The following NAALAD2 variants were observed in gnomAD, a reference collection of about 807,000 sequenced individuals.
The protein encoded by NAALAD2 is N-acetylated-alpha-linked acidic dipeptidase 2.
In NAALAD2, 89 loss-of-function variants were observed where a neutral mutation model predicts 95.6. The ratio of observed to expected loss-of-function variants is 0.93; its 90% CI spans 0.78 to 1.11. The LOEUF is 1.11. NAALAD2 is among the 50% of genes least tolerant of loss of function. NAALAD2 has a pLI of 0.00. For missense variants in NAALAD2, 894 were observed against 872.4 expected, an observed-to-expected ratio of 1.02 and a Z score of -0.31; for synonymous variants, 264 against 294.4, an observed-to-expected ratio of 0.90 and a Z score of 1.06.
intron 1 of NAALAD2, among the ~76,000 whole-genome samples, chr11:90,135,352 C>T (rs190304402): frequency 6.6e-6 from 1 of 152,272 alleles, no homozygotes; most frequent in East Asian, 1.9e-4. Flanking sequence ...AAATAAAACT[C>T]CTTTTAAGCA....
intron 18 of NAALAD2, among the ~76,000 whole-genome samples, chr11:90,187,245 A>T (rs898037977): frequency 6.6e-6 from 1 of 152,048 alleles, no homozygotes; most frequent in Non-Finnish European, 1.5e-5. Flanking sequence ...TAGTTCAACC[A>T]TTGTGGAAGT....
intron 16 of NAALAD2, 116 bp downstream of exon 16, chr11:90,178,233 T>C: frequency 8.4e-7 from 1 of 1,196,788 alleles, no homozygotes; most frequent in African/African-American, 1.5e-5. Context: ...GCCTTACTTA[T>C]TTTGACTTCT....
chr11:90,154,959 CATA>C lies in NAALAD2; in HGVS notation c.796+2479_796+2481del, dbSNP rs1346356574. On this transcript the variant is annotated intron_variant, in intron 6 of 18. Transcript: ENST00000534061. The stretch of plus-strand genomic sequence containing the variant: ...CATATGTATATATTATATACGTATA[CATA>C]ATATGTATATATTATATACGTATAC... 1.1e-3 allele frequency among the ~76,000 whole-genome samples: 106 copies of C among 93,674 alleles called. 4 individuals carry two copies. Among genetic ancestry groups the C allele is most frequent in the African/African-American group, 4.6e-3 (94 of 20,652 alleles). 61.5% of individuals were successfully genotyped at this position (93,674 alleles called of 152,430 possible).
chr11:90,168,850 C>A, intron 11 of NAALAD2, 79 bp from the exon 12 acceptor site: 1 of 1,189,372 alleles, frequency 8.4e-7, no homozygotes, highest in Non-Finnish European at 1.2e-6. Flanking sequence ...CGCTTTTCCA[C>A]GAAATTAATT....
intron 2 of NAALAD2, among the ~76,000 whole-genome samples, chr11:90,139,858 T>A (rs1424083368): frequency 2.1e-5 from 1 of 47,614 alleles, no homozygotes; most frequent in Non-Finnish European, 3.5e-5. Flanking sequence ...ACTTTTCCTT[T>A]TTTTTTTTTT....
At chr11:90,156,285 C>T (rs1256905896) in intron 6 of NAALAD2, among the ~76,000 whole-genome samples, 1 of 152,060 alleles carries the variant, frequency 6.6e-6, no homozygotes, top group African/African-American at 2.4e-5. Flanking sequence ...CAGTCTCAAA[C>T]TCCTTGACTC....
intron 2 of NAALAD2, among the ~76,000 whole-genome samples, chr11:90,139,144 C>T (rs935748146): frequency 6.6e-6 from 1 of 152,048 alleles, no homozygotes; most frequent in Non-Finnish European, 1.5e-5. Context: ...AAAAGGCAAT[C>T]CCTTCCTGGC....
At chr11:90,170,451 A>C (rs534536361) in intron 13 of NAALAD2, among the ~76,000 whole-genome samples, 34 of 152,332 alleles carry the variant, frequency 2.2e-4, no homozygotes, top group South Asian at 4.1e-4. Context: ...ACAGTTAAAA[A>C]ACTGTCTTAG....
chr11:90,160,720 A>G (rs1341502724), intron 8 of NAALAD2, among the ~76,000 whole-genome samples: 1 of 152,200 alleles, frequency 6.6e-6, no homozygotes, highest in African/African-American at 2.4e-5. Context: ...AGACAGAGAA[A>G]ACATATAACT....
Position 90,191,721 on chromosome 11 carries a change from G to A in NAALAD2, c.2197G>A (p.Ala733Thr), listed in dbSNP as rs748441040. Residue 733 changes from alanine (A) to threonine (T), a missense_variant, in exon 19 of 19, where the codon GCA becomes ACA. By Grantham distance (58) the Ala-to-Thr change is moderately conservative. Transcript: ENST00000534061. ...SIAAFTIQAA[A>T]GTLKEVL The stretch of plus-strand genomic sequence containing the variant: ...TGCAGCTTTTACAATTCAAGCAGCA[G>A]CAGGAACTCTGAAAGAAGTATTATA... 14 of 1,589,706 alleles carry A rather than the reference G, an allele frequency of 8.8e-6. No individual in the cohort carries two copies. Among genetic ancestry groups the A allele is most frequent in the African/African-American group, 1.4e-5 (1 of 73,978 alleles).
chr11:90,134,972 T>A, intron 1 of NAALAD2, 132 bp downstream of exon 1: 1 of 887,726 alleles, frequency 1.1e-6, no homozygotes, highest in Non-Finnish European at 1.8e-6. Context: ...TATGATAAAC[T>A]CTGCACATTT....
intron 15 of NAALAD2, among the ~76,000 whole-genome samples, chr11:90,177,147 T>C (rs1339854623): frequency 6.6e-6 from 1 of 152,108 alleles, no homozygotes; most frequent in Non-Finnish European, 1.5e-5. Flanking sequence ...ACCGAAGAAC[T>C]AAAAAGAATA....
chr11:90,191,887 G>T lies in NAALAD2; in HGVS notation c.*140G>T. ...ATTATAGGCTTTGGTCTTTTCATCTGCAAAGCCTTTTTTTTTTGCTCTTTA... is the reference window on the plus strand; with the variant it reads ...ATTATAGGCTTTGGTCTTTTCATCTTCAAAGCCTTTTTTTTTTGCTCTTTA... On this transcript the variant is annotated 3_prime_UTR_variant, in exon 19 of 19. Transcript: ENST00000534061. The T allele has an allele frequency of 1.8e-6, 1 of 543,336 alleles. No homozygotes were observed. Among genetic ancestry groups the T allele is most frequent in the Non-Finnish European group, 2.8e-6 (1 of 352,930 alleles). The allele number at this position is 543,336 out of a possible 1,614,324, so 33.7% of individuals were successfully genotyped here. A position where few individuals can be genotyped will look rare whatever the true frequency, so the allele number is the denominator to read the frequency against.
chr11:90,191,915 A>G lies in NAALAD2; in HGVS notation c.*168A>G. 1 of 412,530 alleles carries G rather than the reference A, an allele frequency of 2.4e-6. No homozygotes were observed. The allele number at this position is 412,530 out of a possible 1,614,324, so 25.6% of individuals were successfully genotyped here. A position where few individuals can be genotyped will look rare whatever the true frequency, so the allele number is the denominator to read the frequency against. On this transcript the variant is annotated 3_prime_UTR_variant, in exon 19 of 19. Transcript: ENST00000534061. ...AAGCCTTTTTTTTTTGCTCTTTAAA[A>G]GTTAATAATTATATTAGCAAAGTGT...
At chr11:90,184,082 A>T (rs920545047) in intron 18 of NAALAD2, among the ~76,000 whole-genome samples, 2 of 152,144 alleles carry the variant, frequency 1.3e-5, no homozygotes, top group African/African-American at 4.8e-5. Flanking sequence ...TCACTTGCAG[A>T]TGTGTGACTT....
chr11:90,181,068 T>C (rs766290552), intron 16 of NAALAD2, among the ~76,000 whole-genome samples: 23 of 152,078 alleles, frequency 1.5e-4, no homozygotes, highest in Non-Finnish European at 3.2e-4. Context: ...GATACTGAGG[T>C]ATGACTGTAC....
chr11:90,163,341 C>T lies in NAALAD2; in HGVS notation c.1107C>T (p.Asp369=), dbSNP rs1952348964. The change falls in exon 10 of 19, where the codon GAC becomes GAT. Residue 369 remains aspartate (D), a synonymous_variant. Coordinates refer to ENST00000534061, the MANE Select transcript of NAALAD2 (RefSeq NM_005467.4). The part of the protein sequence containing the change: ...DRYVILGGHR[D]SWVFGAIDPT... ...ATGTTATTCTGGGAGGTCACCGGGA[C>T]TCCTGGGTATTTGGAGCTATTGACC... 6.2e-7 allele frequency: 1 copy of T among 1,613,962 alleles called. No homozygotes were observed. Among genetic ancestry groups the T allele is most frequent in the East Asian group, 2.2e-5 (1 of 44,874 alleles).
At chr11:90,156,727 TA>T (rs1474832701) in intron 6 of NAALAD2, among the ~76,000 whole-genome samples, 2 of 152,076 alleles carry the variant, frequency 1.3e-5, no homozygotes, top group African/African-American at 4.8e-5. Flanking sequence ...GCTGGAACTA[TA>T]GGCATGTGAC....
chr11:90,155,021 T>C (rs1487865791), intron 6 of NAALAD2, among the ~76,000 whole-genome samples: 5 of 126,872 alleles, frequency 3.9e-5, no homozygotes, highest in Middle Eastern at 5.4e-3. Context: ...TATATACATA[T>C]ACATAATATG....
Sources: allele counts gnomAD v4.1 joint callset (sites outside exome capture counted in the v4.1 genomes callset), GRCh38; gene constraint gnomAD v4.1.1; transcripts MANE v1.5; gene names NCBI Gene and HGNC (gene_info 2026-07-23, HGNC 2026-07-21).